ZFYVE26: variants seen among roughly 807,000 people sequenced by gnomAD.
ZFYVE26 encodes the protein zinc finger FYVE domain-containing protein 26.
In ZFYVE26, 181 loss-of-function variants were observed where a neutral mutation model predicts 276.5. That is an observed-to-expected ratio of 0.65 (90% CI 0.58 to 0.74). The LOEUF is 0.74. ZFYVE26 is among the 30% of genes least tolerant of loss of function. The pLI is 0.00. For missense variants in ZFYVE26, 2,821 were observed against 3,097.9 expected (o/e 0.91, Z 2.12); for synonymous variants, 1,129 against 1,203.1 (o/e 0.94, Z 1.27).
intron 3 of ZFYVE26, among the ~76,000 whole-genome samples, chr14:67,810,620 A>C (rs2040279475): frequency 6.6e-6 from 1 of 152,172 alleles, no homozygotes; most frequent in Non-Finnish European, 1.5e-5. Context: ...GAGAGGTCTA[A>C]TATATAGAGA....
intron 13 of ZFYVE26, among the ~76,000 whole-genome samples, chr14:67,741,429 T>G (rs961550813): frequency 1.6e-4 from 24 of 152,196 alleles, no homozygotes; most frequent in African/African-American, 5.8e-4. Flanking sequence ...TTCATATTCA[T>G]GTAGTTCATA....
At chr14:67,752,889 C>A (rs532853224) in intron 39 of ZFYVE26, among the ~76,000 whole-genome samples, 1 of 152,234 alleles carries the variant, frequency 6.6e-6, no homozygotes, top group Non-Finnish European at 1.5e-5. Flanking sequence ...TGTTAAGACG[C>A]AGGTGACTTA....
chr14:67,774,355 TG>T (rs1295984895), intron 27 of ZFYVE26, among the ~76,000 whole-genome samples: 1 of 152,180 alleles, frequency 6.6e-6, no homozygotes, highest in African/African-American at 2.4e-5. Context: ...AAAAATTAGC[TG>T]GGTGTGGTGG....
chr14:67,742,609 G>C (rs544084504), downstream of ZFYVE26, among the ~76,000 whole-genome samples: 6 of 152,276 alleles, frequency 3.9e-5, no homozygotes, highest in African/African-American at 1.4e-4. Flanking sequence ...AGTCAGGGGA[G>C]GAGGTGATAA....
In ZFYVE26 at chr14:67,808,921, C is replaced by A. The variant is rs530892436; in HGVS notation, c.363+279G>T. 2.4e-3 allele frequency among the ~76,000 whole-genome samples: 366 copies of A among 152,272 alleles called. 2 individuals carry two copies. Among genetic ancestry groups the A allele is most frequent in the Non-Finnish European group, 3.4e-3 (228 of 68,014 alleles). ...ACCCTGTTATAGAAAAGATAGTCAA[C>A]GAATACTAGTTCCTTGTCCCCTTCA... On this transcript the variant is annotated intron_variant, in intron 4 of 41. Transcript: ENST00000347230.
At chr14:67,807,236 T>C (rs1443166596) in intron 5 of ZFYVE26, among the ~76,000 whole-genome samples, 162 bp downstream of exon 5, 1 of 152,212 alleles carries the variant, frequency 6.6e-6, no homozygotes, top group East Asian at 1.9e-4. Flanking sequence ...TGAGCCACCA[T>C]GCCAGGCCTG....
chr14:67,815,813 C>G lies in ZFYVE26; in HGVS notation c.151G>C (p.Glu51Gln), dbSNP rs769196530. Residue 51 changes from glutamate (E) to glutamine (Q), a missense_variant, in exon 2 of 42, where the codon GAA becomes CAA. Coordinates refer to ENST00000347230, the MANE Select transcript of ZFYVE26 (RefSeq NM_015346.4). ...EGQGDIPKRV[E>Q]DILQALVVCP... is the part of the protein sequence containing the mutation. ...ACCACCAATGCCTGAAGTATGTCTT[C>G]TACCCTCTTTGGGATATCCCCTTGT... The G allele has an allele frequency of 1.9e-6, 3 of 1,613,822 alleles. No individual in the cohort carries two copies. Among genetic ancestry groups the G allele is most frequent in the Middle Eastern group, 1.7e-4 (1 of 5,840 alleles).
intron 13 of ZFYVE26, among the ~76,000 whole-genome samples, chr14:67,735,740 A>G (rs1200073493): frequency 6.6e-6 from 1 of 152,174 alleles, no homozygotes; most frequent in African/African-American, 2.4e-5. Flanking sequence ...TGACACCCTT[A>G]GCTAATCTAG....
chr14:67,784,720 T>G (rs1389772806), intron 19 of ZFYVE26, among the ~76,000 whole-genome samples: 1 of 152,220 alleles, frequency 6.6e-6, no homozygotes, highest in African/African-American at 2.4e-5. Flanking sequence ...CTGAAGTGCA[T>G]GTAGTACTCA....
At chr14:67,760,992 C>A (rs1359422208) in intron 35 of ZFYVE26, 4 of 534,366 alleles carry the variant, frequency 7.5e-6, no homozygotes, top group Non-Finnish European at 1.3e-5. Context: ...TGGACACCAT[C>A]CCAGGCCAGG....
At chr14:67,755,856 A>G in intron 36 of ZFYVE26, 92 bp downstream of exon 36, 1 of 1,482,214 alleles carries the variant, frequency 6.7e-7, no homozygotes, top group South Asian at 1.1e-5. Context: ...GCCAGGGACC[A>G]ATGACAGTCT....
In ZFYVE26 at chr14:67,809,569, C is replaced by T. The variant is rs187877874; in HGVS notation, c.274-280G>A. Among the ~76,000 whole-genome samples, 1,075 of 150,580 alleles carry T rather than the reference C, an allele frequency of 7.1e-3. 16 individuals are homozygous for T. Among genetic ancestry groups the T allele is most frequent in the African/African-American group, 0.025 (1,020 of 41,014 alleles). On this transcript the variant is annotated intron_variant, in intron 3 of 41. Transcript: ENST00000347230. ...TCCCGAGTAGCTGGGATTACAGGTGCGCACCACCACGTCCAGCTAATTTTT... is the reference window on the plus strand; with the variant it reads ...TCCCGAGTAGCTGGGATTACAGGTGTGCACCACCACGTCCAGCTAATTTTT...
chr14:67,735,141 G>C (rs765374714), intron 13 of ZFYVE26: 1 of 851,832 alleles, frequency 1.2e-6, no homozygotes, highest in African/African-American at 1.7e-5. Flanking sequence ...GTGTTGATTC[G>C]ACATGTTGTT....
intron 35 of ZFYVE26, 136 bp from the exon 36 acceptor site, chr14:67,756,281 A>C: frequency 1.1e-6 from 1 of 907,394 alleles, no homozygotes; most frequent in East Asian, 2.4e-5. Context: ...TTTATGTGTC[A>C]CAGATACCTT....
At chr14:67,761,109 G>C in intron 35 of ZFYVE26, 2 of 644,188 alleles carry the variant, frequency 3.1e-6, no homozygotes, top group South Asian at 3.6e-5. Flanking sequence ...ATCCGATTCT[G>C]CTGCATGTTT....
Position 67,755,145 on chromosome 14 carries a change from G to A in ZFYVE26, c.6892C>T (p.His2298Tyr), listed in dbSNP as rs1349775454. 1 of 1,614,078 alleles carries A rather than the reference G, an allele frequency of 6.2e-7. No homozygotes were observed. The highest frequency in any genetic ancestry group is 8.5e-7 in the Non-Finnish European group (1 of 1,180,020). ...KLSWLLKAKDHLKIYLQETSR... is the reference protein window; with the variant it reads ...KLSWLLKAKDYLKIYLQETSR... ...GTTTCTTGGAGGTAGATCTTCAGGT[G>A]GTCCTTGGCCTTAAGTAGCCATGAG... Residue 2298 changes from histidine (H) to tyrosine (Y), a missense_variant, in exon 37 of 42, where the codon CAC becomes TAC. Transcript: ENST00000347230.
In ZFYVE26 at chr14:67,775,008, G is replaced by C. The variant is rs369345632; in HGVS notation, c.5320+8C>G. ...AAATTTTAGTGAATCATCAGAGCCA[G>C]TTCTTACCAGGAGGAGCAGCAGGAG... On this transcript the variant is annotated splice_region_variant and intron_variant, in intron 27 of 41. Transcript: ENST00000347230. The C allele has an allele frequency of 1.2e-6, 2 of 1,602,788 alleles. No homozygotes were observed. Among genetic ancestry groups the C allele is most frequent in the Non-Finnish European group, 1.7e-6 (2 of 1,172,774 alleles).
At chr14:67,750,406 A>T (rs942602662) in intron 41 of ZFYVE26, 29 of 154,968 alleles carry the variant, frequency 1.9e-4, no homozygotes, top group Admixed American at 1.4e-3. Flanking sequence ...TGGCTTTCTC[A>T]TGCCCCTCCT....
At chr14:67,790,450 C>T in intron 15 of ZFYVE26, 122 bp downstream of exon 15, 3 of 1,072,294 alleles carry the variant, frequency 2.8e-6, no homozygotes, top group Non-Finnish European at 4.2e-6. Context: ...TTTTTCAAGG[C>T]AGGTGTCCTG....
Sources: allele counts gnomAD v4.1 joint callset (sites outside exome capture counted in the v4.1 genomes callset), GRCh38; gene constraint gnomAD v4.1.1; transcripts MANE v1.5; gene names NCBI Gene and HGNC (gene_info 2026-07-23, HGNC 2026-07-21).